The following KHDRBS2 variants were observed in gnomAD, a reference collection of about 807,000 sequenced individuals.
KHDRBS2 encodes the protein KH domain-containing, RNA-binding, signal transduction-associated protein 2.
In KHDRBS2, 26 loss-of-function variants were observed where a neutral mutation model predicts 44.3. The observed-to-expected ratio is 0.59, with a 90% confidence interval of 0.43 to 0.81. The LOEUF is 0.81. Among genes scored for constraint, KHDRBS2 ranks in the 40% least tolerant of loss-of-function variants. The pLI, the probability that KHDRBS2 is intolerant of heterozygous loss-of-function variation, is 0.00. For synonymous variants in KHDRBS2, 194 were observed against 151.1 expected, an observed-to-expected ratio of 1.28 and a Z score of -2.08; for missense variants, 476 against 433.1, an observed-to-expected ratio of 1.10 and a Z score of -0.88.
At chr6:62,100,513 G>T (rs187947902) in intron 2 of KHDRBS2, among the ~76,000 whole-genome samples, 3 of 152,236 alleles carry the variant, frequency 2.0e-5, no homozygotes, top group South Asian at 2.1e-4. Flanking sequence ...AAGAGGAAGA[G>T]GCAAGCGATG....
intron 3 of KHDRBS2, among the ~76,000 whole-genome samples, chr6:62,041,231 T>C (rs1191564282): frequency 6.6e-6 from 1 of 151,952 alleles, no homozygotes; most frequent in East Asian, 2.0e-4. Flanking sequence ...CTTGGAAGTC[T>C]GAGGCAGGAG....
chr6:61,723,322 G>A (rs1243329607), intron 7 of KHDRBS2, among the ~76,000 whole-genome samples: 1 of 152,072 alleles, frequency 6.6e-6, no homozygotes, highest in Non-Finnish European at 1.5e-5. Context: ...AAGCCAGAGA[G>A]CCTCTTCTCC....
the KHDRBS2 span, among the ~76,000 whole-genome samples, chr6:61,637,642 T>C: frequency 6.6e-6 from 1 of 152,124 alleles, no homozygotes; most frequent in African/African-American, 2.4e-5. Flanking sequence ...TAGTTTACAG[T>C]CCCACCAACA....
chr6:61,753,557 G>T (rs1316825398), intron 6 of KHDRBS2, among the ~76,000 whole-genome samples: 1 of 152,072 alleles, frequency 6.6e-6, no homozygotes, highest in Non-Finnish European at 1.5e-5. Flanking sequence ...GATCTTTTGT[G>T]GATCTTTTGC....
intron 2 of KHDRBS2, among the ~76,000 whole-genome samples, chr6:62,049,123 T>G (rs9342637): frequency 0.67 from 101,482 of 151,554 alleles, 36,910 homozygotes; most frequent in East Asian, 0.82. Flanking sequence ...ATTTTTTTAC[T>G]GGAGTATGGA....
chr6:61,735,139 T>TC (rs1213341971), intron 6 of KHDRBS2, among the ~76,000 whole-genome samples: 27 of 124,648 alleles, frequency 2.2e-4, no homozygotes, highest in Non-Finnish European at 4.3e-4. Flanking sequence ...GCTTTTGTTT[T>TC]CATTTTTTTG....
chr6:62,029,687 T>C (rs1783991637), intron 3 of KHDRBS2, among the ~76,000 whole-genome samples: 1 of 151,814 alleles, frequency 6.6e-6, no homozygotes, highest in African/African-American at 2.4e-5. Context: ...ATCAGAAATA[T>C]AAGCTTCAAA....
chr6:61,574,866 C>A, the KHDRBS2 span, among the ~76,000 whole-genome samples: 8 of 152,218 alleles, frequency 5.3e-5, no homozygotes, highest in Admixed American at 2.0e-4. Flanking sequence ...AGAGATCATG[C>A]CATTGCACTC....
chr6:62,149,615 A>G (rs1814665346), intron 2 of KHDRBS2, among the ~76,000 whole-genome samples: 1 of 152,206 alleles, frequency 6.6e-6, no homozygotes. Flanking sequence ...TTCTTAACAA[A>G]TATTCATTAA....
intron 7 of KHDRBS2, among the ~76,000 whole-genome samples, chr6:61,724,552 G>C (rs1182646056): frequency 6.6e-6 from 1 of 152,276 alleles, no homozygotes; most frequent in East Asian, 1.9e-4. Flanking sequence ...TAGGTATGTT[G>C]TCTTCAAGAG....
At chr6:61,597,327 CTG>C in the KHDRBS2 span, among the ~76,000 whole-genome samples, 1 of 152,018 alleles carries the variant, frequency 6.6e-6, no homozygotes, top group African/African-American at 2.4e-5. Flanking sequence ...AATTTAGATT[CTG>C]TGTCTTAATT....
Position 62,107,556 on chromosome 6 carries a change from C to T in KHDRBS2, c.220-59562G>A, listed in dbSNP as rs866999394. 3.3e-5 allele frequency among the ~76,000 whole-genome samples: 5 copies of T among 152,296 alleles called. No individual in the cohort carries two copies. The Middle Eastern group carries it at 0.01, about 311-fold the overall frequency. ...TAGATTCAATGCCATCCCCATCAAG[C>T]TACCAATGACTTTCTTCACAGAATT... On this transcript the variant is annotated intron_variant, in intron 2 of 8. Transcript: ENST00000281156.
chr6:62,195,808 C>T (rs2150134429), intron 1 of KHDRBS2, among the ~76,000 whole-genome samples: 1 of 152,214 alleles, frequency 6.6e-6, no homozygotes, highest in East Asian at 1.9e-4. Flanking sequence ...CAGCCTGCCA[C>T]TAATTTTTGG....
the KHDRBS2 span, among the ~76,000 whole-genome samples, chr6:61,548,500 A>G: frequency 6.6e-6 from 1 of 152,134 alleles, no homozygotes; most frequent in Admixed American, 6.6e-5. Flanking sequence ...CTGTCCAAGA[A>G]CTACAATTTA....
chr6:61,949,037 CT>C (rs1382374483), intron 4 of KHDRBS2, among the ~76,000 whole-genome samples: 1 of 152,070 alleles, frequency 6.6e-6, no homozygotes, highest in Non-Finnish European at 1.5e-5. Context: ...TTCCTTCCCT[CT>C]TTTGGGAGCT....
intron 6 of KHDRBS2, among the ~76,000 whole-genome samples, chr6:61,852,879 A>C (rs1237171252): frequency 6.6e-6 from 1 of 152,180 alleles, no homozygotes; most frequent in African/African-American, 2.4e-5. Flanking sequence ...TACAATGAAA[A>C]ATCAAAAACC....
chr6:61,560,920 G>C, the KHDRBS2 span, among the ~76,000 whole-genome samples: 1 of 152,060 alleles, frequency 6.6e-6, no homozygotes, highest in Non-Finnish European at 1.5e-5. Flanking sequence ...ACCTATTTTA[G>C]TCTTTGCAAT....
intron 2 of KHDRBS2, among the ~76,000 whole-genome samples, chr6:62,051,943 C>T (rs954584521): frequency 1.3e-5 from 2 of 151,864 alleles, no homozygotes; most frequent in Non-Finnish European, 2.9e-5. Flanking sequence ...ACCTCAACCT[C>T]ATACTTATCA....
At chr6:62,231,701 A>G (rs1355610180) in intron 1 of KHDRBS2, among the ~76,000 whole-genome samples, 3 of 152,168 alleles carry the variant, frequency 2.0e-5, no homozygotes, top group South Asian at 2.1e-4. Context: ...TTTATAAAAT[A>G]TTGTTTGCAC....
Sources: gnomAD v4.1 joint callset for allele counts (sites outside exome capture counted in the v4.1 genomes callset) on GRCh38, gnomAD v4.1.1 for gene constraint, MANE v1.5 for transcripts, NCBI Gene and HGNC (gene_info 2026-07-23, HGNC 2026-07-21) for gene names.